Variants in GPR149 observed in about 807,000 individuals in gnomAD.
GPR149 encodes the protein probable G protein-coupled receptor 149.
In GPR149, 50 loss-of-function variants were observed where a neutral mutation model predicts 50.2. The ratio of observed to expected loss-of-function variants is 1.00; its 90% CI spans 0.79 to 1.26. The LOEUF (loss-of-function observed/expected upper bound fraction) is 1.26. GPR149 is among the 50% of genes most tolerant of loss of function. GPR149 has a pLI of 0.00. For missense variants in GPR149, 983 were observed against 895.4 expected (o/e 1.10, Z -1.25); for synonymous variants, 405 against 358.2 (o/e 1.13, Z -1.48).
At chr3:154,409,178 G>T (rs1442336268) in intron 3 of GPR149, among the ~76,000 whole-genome samples, 1 of 152,184 alleles carries the variant, frequency 6.6e-6, no homozygotes. Flanking sequence ...GGGGAAGAAG[G>T]AGAACACCAC....
At chr3:154,346,903 T>C (rs1056088488) in intron 3 of GPR149, among the ~76,000 whole-genome samples, 2 of 152,336 alleles carry the variant, frequency 1.3e-5, no homozygotes, top group Non-Finnish European at 1.5e-5. Context: ...GGCCAGCTTG[T>C]TGTTTTTAAT....
At chr3:154,353,003 T>G in intron 3 of GPR149, 1 of 1,242,192 alleles carries the variant, frequency 8.1e-7, no homozygotes, top group South Asian at 1.2e-5. Context: ...CCACATTGGT[T>G]GCCACCAAAA....
intron 3 of GPR149, among the ~76,000 whole-genome samples, chr3:154,378,126 A>G (rs372200137): frequency 7.4e-6 from 1 of 136,050 alleles, no homozygotes; most frequent in Non-Finnish European, 1.5e-5. Flanking sequence ...TCTGCCATGC[A>G]GAATGGAGTG....
intron 3 of GPR149, among the ~76,000 whole-genome samples, chr3:154,415,896 C>A (rs1187085326): frequency 4.6e-5 from 7 of 151,744 alleles, no homozygotes; most frequent in Admixed American, 1.3e-4. Flanking sequence ...TGGATGTAGT[C>A]AAAAATAAAG....
At chr3:154,393,553 C>T (rs1715217432) in intron 3 of GPR149, among the ~76,000 whole-genome samples, 1 of 151,904 alleles carries the variant, frequency 6.6e-6, no homozygotes, top group Non-Finnish European at 1.5e-5. Flanking sequence ...TACTTTTATT[C>T]AGCATAGTAG....
chr3:154,404,864 T>TCAG (rs1477016034), intron 3 of GPR149, among the ~76,000 whole-genome samples: 4 of 54,154 alleles, frequency 7.4e-5, no homozygotes, highest in African/African-American at 2.1e-4. Flanking sequence ...GCTATCATCA[T>TCAG]CATCATCATC....
chr3:154,354,872 G>A lies in GPR149; in HGVS notation c.1624-16601C>T, dbSNP rs1714180065. 4 of 230,602 alleles carry A rather than the reference G, an allele frequency of 1.7e-5. No homozygotes were observed. In the South Asian group the frequency reaches 4.0e-4, roughly 23 times the overall value. The allele number at this position is 230,602 out of a possible 1,614,324, so 14.3% of individuals were successfully genotyped here. ...GGCAGTGACAGCATGGAAGGAAGCT[G>A]GGCCTAATGCTTTACTCAAATCACA... On this transcript the variant is annotated intron_variant, in intron 3 of 3. Transcript: ENST00000389740.
At chr3:154,375,711 A>G (rs1386255314) in intron 3 of GPR149, among the ~76,000 whole-genome samples, 1 of 152,182 alleles carries the variant, frequency 6.6e-6, no homozygotes, top group Non-Finnish European at 1.5e-5. Flanking sequence ...AGCTGGTAAC[A>G]CATTATTTTT....
intron 3 of GPR149, among the ~76,000 whole-genome samples, chr3:154,395,377 G>GATAT (rs34735600): frequency 2.4e-4 from 36 of 148,158 alleles, no homozygotes; most frequent in Admixed American, 5.4e-4. Flanking sequence ...TTTAAACCTT[G>GATAT]ATATATATAT....
chr3:154,415,514 C>T (rs756835300), intron 3 of GPR149, among the ~76,000 whole-genome samples: 1 of 151,806 alleles, frequency 6.6e-6, no homozygotes, highest in Non-Finnish European at 1.5e-5. Flanking sequence ...CTAAACTATA[C>T]CAGATAATGA....
At chr3:154,376,470 T>C (rs1714794807) in intron 3 of GPR149, among the ~76,000 whole-genome samples, 1 of 152,240 alleles carries the variant, frequency 6.6e-6, no homozygotes, top group Non-Finnish European at 1.5e-5. Flanking sequence ...GTTATTGGGA[T>C]TAATGTCAAA....
At chr3:154,373,110 G>A (rs1177002900) in intron 3 of GPR149, among the ~76,000 whole-genome samples, 1 of 152,066 alleles carries the variant, frequency 6.6e-6, no homozygotes, top group Non-Finnish European at 1.5e-5. Context: ...TGTGAAATGA[G>A]AAGAGGGTAT....
intron 3 of GPR149, among the ~76,000 whole-genome samples, chr3:154,358,196 C>T (rs1024818644): frequency 9.9e-5 from 15 of 152,000 alleles, no homozygotes; most frequent in Admixed American, 7.2e-4. Flanking sequence ...TGTTAAATGA[C>T]GAGTTAATGG....
In GPR149 at chr3:154,428,803, G is replaced by C; in HGVS notation, c.813C>G (p.Ser271=). ...GCGCACCCGGTCCGAACACGGTGTCGGAGCTCGGAGAGCATCCCCCAGAGC... is the reference window on the plus strand; with the variant it reads ...GCGCACCCGGTCCGAACACGGTGTCCGAGCTCGGAGAGCATCCCCCAGAGC... ...LRRSGGCSPS[S]DTVFGPGAPA... The change falls in exon 1 of 4, where the codon TCC becomes TCG. Residue 271 remains serine (S), a synonymous_variant. Coordinates refer to ENST00000389740, the MANE Select transcript of GPR149 (RefSeq NM_001038705.3). 1 of 1,613,838 alleles carries C rather than the reference G, an allele frequency of 6.2e-7. No homozygotes were observed. Among genetic ancestry groups the C allele is most frequent in the Admixed American group, 1.7e-5 (1 of 60,024 alleles).
intron 3 of GPR149, among the ~76,000 whole-genome samples, chr3:154,396,274 T>C (rs932161446): frequency 6.6e-6 from 1 of 152,206 alleles, no homozygotes; most frequent in African/African-American, 2.4e-5. Context: ...AGAGTTCACA[T>C]GTTTTTTATT....
intron 2 of GPR149, among the ~76,000 whole-genome samples, chr3:154,426,558 TTAAG>T (rs1351043548): frequency 7.2e-5 from 11 of 152,354 alleles, no homozygotes; most frequent in South Asian, 2.1e-4. Flanking sequence ...CTCAGATTAA[TTAAG>T]TGATAGAACA....
At chr3:154,371,133 C>T (rs1714655346) in intron 3 of GPR149, among the ~76,000 whole-genome samples, 1 of 152,132 alleles carries the variant, frequency 6.6e-6, no homozygotes, top group Non-Finnish European at 1.5e-5. Flanking sequence ...CAAAGGATTA[C>T]AGGATATTGT....
At chr3:154,412,874 G>A (rs993061001) in intron 3 of GPR149, among the ~76,000 whole-genome samples, 4 of 152,060 alleles carry the variant, frequency 2.6e-5, no homozygotes, top group Admixed American at 1.3e-4. Context: ...AACAAATCTG[G>A]AGGCATTACA....
intron 3 of GPR149, chr3:154,354,811 A>G: frequency 1.7e-6 from 1 of 603,768 alleles, no homozygotes; most frequent in South Asian, 2.8e-5. Flanking sequence ...ACTGGCCACC[A>G]CCTCCCTCCA....
Sources: allele counts gnomAD v4.1 joint callset (sites outside exome capture counted in the v4.1 genomes callset), GRCh38; gene constraint gnomAD v4.1.1; transcripts MANE v1.5; gene names NCBI Gene and HGNC (gene_info 2026-07-23, HGNC 2026-07-21).